KLC1: variants seen among roughly 807,000 people sequenced by gnomAD.
KLC1 encodes kinesin light chain 1, also known as kinesin 2 60/70kDa.
In KLC1, 30 loss-of-function variants were observed where a neutral mutation model predicts 84.2. That is an observed-to-expected ratio of 0.36 (90% confidence interval 0.27 to 0.48). KLC1 has a LOEUF of 0.48. KLC1 is among the 20% of genes least tolerant of loss of function. The pLI, the probability that KLC1 is intolerant of heterozygous loss-of-function variation, is 0.99. For missense variants in KLC1, 499 were observed against 805.4 expected (o/e 0.62, Z 4.60); for synonymous variants, 289 against 293.3 (o/e 0.99, Z 0.15).
At chr14:103,696,035 A>T (rs1245890396) in intron 15 of KLC1, 1 of 982,854 alleles carries the variant, frequency 1.0e-6, no homozygotes, top group Non-Finnish European at 1.2e-6. Flanking sequence ...GGTGAGAGGA[A>T]CCCCACGCGA....
chr14:103,639,473 C>T (rs767810023), intron 1 of KLC1, among the ~76,000 whole-genome samples: 12 of 151,796 alleles, frequency 7.9e-5, no homozygotes, highest in South Asian at 2.1e-4. Flanking sequence ...GACAGGGTTT[C>T]GCTGTGTCAC....
At chr14:103,656,538 G>C (rs181761368) in intron 2 of KLC1, among the ~76,000 whole-genome samples, 80 of 152,296 alleles carry the variant, frequency 5.3e-4, no homozygotes, top group African/African-American at 1.9e-3. Context: ...CAGAAGAGGG[G>C]CTGCTGGCCA....
chr14:103,656,925 A>G (rs1395300241), intron 2 of KLC1, among the ~76,000 whole-genome samples: 1 of 152,194 alleles, frequency 6.6e-6, no homozygotes, highest in Non-Finnish European at 1.5e-5. Flanking sequence ...GGAACTTGCC[A>G]CAGCCTCACG....
intron 9 of KLC1, among the ~76,000 whole-genome samples, chr14:103,674,162 C>T (rs938838985): frequency 8.5e-5 from 13 of 152,178 alleles, no homozygotes; most frequent in African/African-American, 3.1e-4. Context: ...TTCATCTTTT[C>T]ACATTTTTAA....
intron 5 of KLC1, among the ~76,000 whole-genome samples, chr14:103,665,477 C>G (rs1228057324): frequency 6.6e-6 from 1 of 152,118 alleles, no homozygotes; most frequent in Non-Finnish European, 1.5e-5. Flanking sequence ...TCTTGTCGCC[C>G]AGGCTAGAGT....
At chr14:103,645,467 A>G (rs540592243) in intron 1 of KLC1, among the ~76,000 whole-genome samples, 1 of 152,266 alleles carries the variant, frequency 6.6e-6, no homozygotes, top group South Asian at 2.1e-4. Context: ...CGCACTTCTT[A>G]GTTTAAAGCA....
Position 103,655,525 on chromosome 14 carries a change from C to T in KLC1, c.261+700C>T, listed in dbSNP as rs572750950. Among the ~76,000 whole-genome samples the T allele has an allele frequency of 2.0e-5, 3 of 151,944 alleles. No individual in the cohort carries two copies. In the East Asian group the frequency reaches 5.9e-4, roughly 30 times the overall value. On this transcript the variant is annotated intron_variant, in intron 2 of 16. Coordinates refer to ENST00000334553, the MANE Select transcript of KLC1 (RefSeq NM_001394837.1). ...CCATGTTGGTTAGGCTGGTCTTGAA[C>T]TCCCAACCTCACGTGATCCACCTGC... is the stretch of plus-strand genomic sequence containing the variant.
chr14:103,677,787 C>T (rs568192461), intron 12 of KLC1, among the ~76,000 whole-genome samples: 3 of 151,300 alleles, frequency 2.0e-5, no homozygotes, highest in East Asian at 2.0e-4. Flanking sequence ...GGTGAAACCC[C>T]GTCTCTACTA....
At chr14:103,698,807 C>T (rs1241494948) in intron 15 of KLC1, 1 of 1,598,392 alleles carries the variant, frequency 6.3e-7, no homozygotes. Flanking sequence ...GTCAGTGGGA[C>T]TGGGTCCCAG....
At chr14:103,682,782 G>T in intron 13 of KLC1, 3 of 144,456 alleles carry the variant, frequency 2.1e-5, no homozygotes, top group South Asian at 2.2e-4. Context: ...GTATGTATAT[G>T]TATTTTTTTT....
At chr14:103,664,341 G>A (rs1424773426) in intron 5 of KLC1, among the ~76,000 whole-genome samples, 1 of 151,550 alleles carries the variant, frequency 6.6e-6, no homozygotes, top group Admixed American at 6.6e-5. Context: ...TAGTAGAGAC[G>A]GGGTTTCACC....
chr14:103,662,623 TA>T, intron 4 of KLC1, 78 bp from the exon 5 acceptor site: 1 of 1,179,302 alleles, frequency 8.5e-7, no homozygotes, highest in Non-Finnish European at 1.2e-6. Flanking sequence ...CCAAAGTTAG[TA>T]AAGATAATTT....
chr14:103,633,587 TGAG>T (rs747155311), intron 1 of KLC1, among the ~76,000 whole-genome samples: 10 of 152,046 alleles, frequency 6.6e-5, no homozygotes, highest in South Asian at 2.1e-4. Flanking sequence ...TTGGGGTAAA[TGAG>T]GAGCTGCAGG....
At chr14:103,630,778 A>G (rs1344683912) in intron 1 of KLC1, among the ~76,000 whole-genome samples, 2 of 152,184 alleles carry the variant, frequency 1.3e-5, no homozygotes, top group Non-Finnish European at 1.5e-5. Context: ...TTCAACTTGT[A>G]TGGAATTCTG....
chr14:103,662,462 T>C (rs557463390), intron 4 of KLC1, among the ~76,000 whole-genome samples: 19 of 152,096 alleles, frequency 1.2e-4, no homozygotes, highest in African/African-American at 4.3e-4. Context: ...GAATTACTTA[T>C]CCTGCTTGTT....
chr14:103,701,329 G>T lies in KLC1; in HGVS notation c.*130G>T. ...GCGCTCACTCATTTCTCCTGCGTCTGTGTGCATAGGACATGATACTAATAA... is the reference window on the plus strand; with the variant it reads ...GCGCTCACTCATTTCTCCTGCGTCTTTGTGCATAGGACATGATACTAATAA... On this transcript the variant is annotated 3_prime_UTR_variant, in exon 17 of 17. Coordinates refer to ENST00000334553, the MANE Select transcript of KLC1 (RefSeq NM_001394837.1). 2 of 999,916 alleles carry T rather than the reference G, an allele frequency of 2.0e-6. No individual in the cohort carries two copies. Among genetic ancestry groups the T allele is most frequent in the Admixed American group, 4.4e-5 (2 of 45,844 alleles). The allele number at this position is 999,916 out of a possible 1,614,324, so 61.9% of individuals were successfully genotyped here.
chr14:103,636,659 C>G (rs1315703470), intron 1 of KLC1, among the ~76,000 whole-genome samples: 1 of 152,064 alleles, frequency 6.6e-6, no homozygotes, highest in Admixed American at 6.6e-5. Context: ...TGTAAAGTGT[C>G]TGTTCAAGAC....
chr14:103,682,568 C>T (rs35469050), intron 13 of KLC1: 34,198 of 150,758 alleles, frequency 0.23, 4,219 homozygotes, highest in East Asian at 0.49. Context: ...ACCTGTAATC[C>T]CAGCTACTTG....
intron 13 of KLC1, chr14:103,686,172 C>T (rs2081768594): frequency 2.0e-6 from 2 of 988,072 alleles, no homozygotes; most frequent in Non-Finnish European, 2.4e-6. Context: ...TTGAAGTGCT[C>T]AGTGATTTGT....
Sources: allele counts gnomAD v4.1 joint callset (sites outside exome capture counted in the v4.1 genomes callset), GRCh38; gene constraint gnomAD v4.1.1; transcripts MANE v1.5; gene names NCBI Gene and HGNC (gene_info 2026-07-23, HGNC 2026-07-21).